The following PPARA variants were observed in gnomAD, a reference collection of about 807,000 sequenced individuals.
PPARA encodes peroxisome proliferator-activated receptor alpha.
A neutral mutation model predicts 42.2 loss-of-function variants in PPARA; 22 were observed. The ratio of observed to expected loss-of-function variants is 0.52; its 90% CI spans 0.37 to 0.74. The LOEUF is 0.74. PPARA is among the 30% of genes least tolerant of loss of function. PPARA has a pLI of 0.00. For missense variants in PPARA, 465 were observed against 608.2 expected (o/e 0.76, Z 2.48); for synonymous variants, 242 against 239.3 (o/e 1.01, Z -0.10).
intron 2 of PPARA, among the ~76,000 whole-genome samples, chr22:46,159,411 G>GT (rs1252982475): frequency 1.3e-5 from 2 of 152,028 alleles, no homozygotes; most frequent in Non-Finnish European, 2.9e-5. Flanking sequence ...TACGATTGTC[G>GT]TTTTTTTCCC....
At position 46,203,043 on chromosome 22, in the gene PPARA, T is replaced by G. The variant is rs1367405732; in HGVS notation, c.208+4452T>G. The stretch of plus-strand genomic sequence containing the variant: ...TGGTTTTGACCACCAGCCTTTAAAG[T>G]GGCAAGCGGGTGATAACCCATTTCT... On this transcript the variant is annotated intron_variant, in intron 4 of 8. Transcript: ENST00000407236. The surrounding 1 kb of genome is among the most constrained non-coding windows in gnomAD (Gnocchi z 5.8). 1.3e-5 allele frequency among the ~76,000 whole-genome samples: 2 copies of G among 152,106 alleles called. No individual in the cohort carries two copies. Among genetic ancestry groups the G allele is most frequent in the East Asian group, 3.9e-4 (2 of 5,168 alleles).
Position 46,236,232 on chromosome 22 carries a change from C to T in PPARA, c.*852C>T, listed in dbSNP as rs372410071. ...ACTGCACTCCAGCCTGGTGACAGAA[C>T]GAGACTCTGTCTTAAAAACAAACAA... On this transcript the variant is annotated 3_prime_UTR_variant, in exon 9 of 9. Coordinates refer to ENST00000407236, the MANE Select transcript of PPARA (RefSeq NM_005036.6). The surrounding 1 kb of genome is among the most constrained non-coding windows in gnomAD (Gnocchi z 5.2). The T allele has an allele frequency of 5.9e-5, 9 of 152,488 alleles. No homozygotes were observed. Among genetic ancestry groups the T allele is most frequent in the South Asian group, 2.1e-4 (1 of 4,816 alleles). The allele number at this position is 152,488 out of a possible 1,614,324, so 9.4% of individuals were successfully genotyped here.
At position 46,211,965 on chromosome 22, in the gene PPARA, T is replaced by C. The variant is rs1040716836; in HGVS notation, c.209-3208T>C. On this transcript the variant is annotated intron_variant, in intron 4 of 8. Coordinates refer to ENST00000407236, the MANE Select transcript of PPARA (RefSeq NM_005036.6). The surrounding 1 kb of genome is among the most constrained non-coding windows in gnomAD (Gnocchi z 4.1). Reference sequence around the variant, plus strand: ...CCTCGGCCTCCCAAAGTGTTGGGATTACAGGCGTGAGCCACCACACCCGGT... The same window carrying C: ...CCTCGGCCTCCCAAAGTGTTGGGATCACAGGCGTGAGCCACCACACCCGGT... 6.6e-5 allele frequency among the ~76,000 whole-genome samples: 10 copies of C among 150,706 alleles called. No individual in the cohort carries two copies. Among genetic ancestry groups the C allele is most frequent in the Non-Finnish European group, 1.3e-4 (9 of 67,566 alleles).
intron 4 of PPARA, among the ~76,000 whole-genome samples, chr22:46,205,181 A>G (rs1933107526): frequency 1.3e-5 from 2 of 150,836 alleles, no homozygotes; most frequent in Non-Finnish European, 3.0e-5. Context: ...AATTTTGATG[A>G]AGTCCAATTT....
intron 2 of PPARA, chr22:46,155,804 G>T (rs1375643791): frequency 6.6e-6 from 1 of 152,182 alleles, no homozygotes; most frequent in Non-Finnish European, 1.5e-5. Context: ...AATCAAATAG[G>T]AGAAAGCCTT....
Position 46,159,416 on chromosome 22 carries a change from T to A in PPARA, c.-127+7446T>A, listed in dbSNP as rs143205701. Among the ~76,000 whole-genome samples the A allele has an allele frequency of 1.4e-3, 207 of 152,278 alleles. 4 individuals are homozygous for A. In the East Asian group the frequency reaches 0.038, roughly 28 times the overall value. The stretch of plus-strand genomic sequence containing the variant: ...GCTTGAGTTGTACGATTGTCGTTTT[T>A]TTCCCCCCACTTTGACAACTGTTAC... On this transcript the variant is annotated intron_variant, in intron 2 of 8. Coordinates refer to ENST00000407236, the MANE Select transcript of PPARA (RefSeq NM_005036.6).
At chr22:46,207,964 G>C (rs1263571689) in intron 4 of PPARA, among the ~76,000 whole-genome samples, 1 of 151,890 alleles carries the variant, frequency 6.6e-6, no homozygotes, top group Non-Finnish European at 1.5e-5. Context: ...GGATTACAGG[G>C]ATTACAAGTG....
chr22:46,218,839 A>G (rs1253454558), intron 6 of PPARA, among the ~76,000 whole-genome samples: 1 of 140,332 alleles, frequency 7.1e-6, no homozygotes, highest in African/African-American at 2.9e-5. Context: ...GTCTCACAAA[A>G]AAAAAAAAAA....
chr22:46,196,884 A>G lies in PPARA; in HGVS notation c.-42-1458A>G, dbSNP rs909938541. Among the ~76,000 whole-genome samples the G allele has an allele frequency of 1.3e-5, 2 of 151,752 alleles. No homozygotes were observed. Among genetic ancestry groups the G allele is most frequent in the Admixed American group, 6.6e-5 (1 of 15,224 alleles). On this transcript the variant is annotated intron_variant, in intron 3 of 8. Coordinates refer to ENST00000407236, the MANE Select transcript of PPARA (RefSeq NM_005036.6). The surrounding 1 kb of genome is among the most constrained non-coding windows in gnomAD (Gnocchi z 5.6). ...ATTACAGGTGCCTGCCACCATGCCC[A>G]GCTAATTTTTGTATTTTTAGTAGAG... is the stretch of plus-strand genomic sequence containing the variant.
intron 4 of PPARA, among the ~76,000 whole-genome samples, chr22:46,214,557 G>A (rs1212934372): frequency 7.3e-6 from 1 of 137,550 alleles, no homozygotes; most frequent in Middle Eastern, 3.7e-3. Context: ...GTCAGGAGAT[G>A]CGGGGGTCCA....
rs984275616 is a variant in PPARA at position 46,236,757 on chromosome 22, G to C, written c.*1377G>C. The C allele has an allele frequency of 6.6e-6, 1 of 152,512 alleles. No homozygotes were observed. The highest frequency in any genetic ancestry group is 1.5e-5 in the Non-Finnish European group (1 of 68,030). The allele number at this position is 152,512 out of a possible 1,614,324, so 9.4% of individuals were successfully genotyped here. On this transcript the variant is annotated 3_prime_UTR_variant, in exon 9 of 9. Coordinates refer to ENST00000407236, the MANE Select transcript of PPARA (RefSeq NM_005036.6). This position sits in a 1 kb window ranked among gnomAD's most constrained non-coding sequence, Gnocchi z 5.2. ...AGTCACCCTGCGGATCGAGAGAGGGGGTAGAGTCTTCTTCAAATGGCAGTT... is the reference window on the plus strand; with the variant it reads ...AGTCACCCTGCGGATCGAGAGAGGGCGTAGAGTCTTCTTCAAATGGCAGTT...
chr22:46,168,413 AAATT>A (rs975631070), intron 2 of PPARA, among the ~76,000 whole-genome samples: 4 of 150,976 alleles, frequency 2.6e-5, no homozygotes, highest in Non-Finnish European at 5.9e-5. Flanking sequence ...AAAAATTAAT[AAATT>A]AGTCATCCTC....
chr22:46,218,559 C>T (rs1279451248), intron 6 of PPARA, among the ~76,000 whole-genome samples, 158 bp downstream of exon 6: 3 of 151,976 alleles, frequency 2.0e-5, no homozygotes, highest in Admixed American at 6.6e-5. Flanking sequence ...GTCGCCCAGG[C>T]GCGGTGGTTC....
chr22:46,207,224 C>A (rs1933401808), intron 4 of PPARA, among the ~76,000 whole-genome samples: 1 of 149,020 alleles, frequency 6.7e-6, no homozygotes, highest in African/African-American at 2.5e-5. Context: ...CTCCATCCCC[C>A]TGCAAAAAAA....
At position 46,197,420 on chromosome 22, in the gene PPARA, G is replaced by A. The variant is rs538176163; in HGVS notation, c.-42-922G>A. ...TATTGTACGGAGCTGCGACAGCTGC[G>A]CAGTCAGTGATGACTGAGAGATTCC... On this transcript the variant is annotated intron_variant, in intron 3 of 8. Coordinates refer to ENST00000407236, the MANE Select transcript of PPARA (RefSeq NM_005036.6). Among the ~76,000 whole-genome samples, 16 of 152,296 alleles carry A rather than the reference G, an allele frequency of 1.1e-4. No individual in the cohort carries two copies. The East Asian group carries it at 2.1e-3, about 20-fold the overall frequency.
At chr22:46,152,311 G>C (rs1244545746) in intron 2 of PPARA, among the ~76,000 whole-genome samples, 1 of 151,864 alleles carries the variant, frequency 6.6e-6, no homozygotes, top group Non-Finnish European at 1.5e-5. Flanking sequence ...GCTAATTTTT[G>C]TAGTTTTAGT....
Position 46,233,546 on chromosome 22 carries a change from G to A in PPARA, c.1159+1307G>A, listed in dbSNP as rs1204151553. 6.6e-6 allele frequency among the ~76,000 whole-genome samples: 1 copy of A among 152,200 alleles called. No homozygotes were observed. Among genetic ancestry groups the A allele is most frequent in the Non-Finnish European group, 1.5e-5 (1 of 68,034 alleles). ...GCCGTGCCCGTTACTGTGTGGCTGG[G>A]CACAAGTCAGATGAAGGAAGTCCTT... On this transcript the variant is annotated intron_variant, in intron 8 of 8. Coordinates refer to ENST00000407236, the MANE Select transcript of PPARA (RefSeq NM_005036.6). This position sits in a 1 kb window ranked among gnomAD's most constrained non-coding sequence, Gnocchi z 7.3.
rs1041121705 is a variant in PPARA at position 46,196,135 on chromosome 22, G to T, written c.-42-2207G>T. ...GGGAACAGTGTGTTCAGGAGACTGG[G>T]CTTCAATCTGGAGGTCTCAGGAAGT... On this transcript the variant is annotated intron_variant, in intron 3 of 8. Transcript: ENST00000407236. The surrounding 1 kb of genome is among the most constrained non-coding windows in gnomAD (Gnocchi z 5.6). 6.6e-6 allele frequency among the ~76,000 whole-genome samples: 1 copy of T among 152,174 alleles called. No homozygotes were observed. The highest frequency in any genetic ancestry group is 2.4e-5 in the African/African-American group (1 of 41,436).
chr22:46,182,044 C>T lies in PPARA; in HGVS notation c.-43+5208C>T, dbSNP rs1930045948. On this transcript the variant is annotated intron_variant, in intron 3 of 8. Coordinates refer to ENST00000407236, the MANE Select transcript of PPARA (RefSeq NM_005036.6). The surrounding 1 kb of genome is among the most constrained non-coding windows in gnomAD (Gnocchi z 5.2). ...TATTTTTAGTAGAGACGGGGTTTTG[C>T]CACATTGGCCAGGCTGGTCTTGAAC... is the stretch of plus-strand genomic sequence containing the variant. 1.3e-5 allele frequency among the ~76,000 whole-genome samples: 2 copies of T among 152,138 alleles called. No homozygotes were observed. The highest frequency in any genetic ancestry group is 6.6e-5 in the Admixed American group (1 of 15,258).
Sources: gnomAD v4.1 joint callset for allele counts (sites outside exome capture counted in the v4.1 genomes callset) on GRCh38, gnomAD v4.1.1 for gene constraint, Gnocchi (gnomAD v3.1) non-coding constraint, MANE v1.5 for transcripts, NCBI Gene and HGNC (gene_info 2026-07-23, HGNC 2026-07-21) for gene names.